The following CLSTN2 variants were observed in gnomAD, a reference collection of about 807,000 sequenced individuals.
CLSTN2 encodes calsyntenin-2.
In CLSTN2, 48 loss-of-function variants were observed where a neutral mutation model predicts 101.2. The observed-to-expected ratio is 0.47, with a 90% CI of 0.38 to 0.60. The LOEUF (loss-of-function observed/expected upper bound fraction) is 0.60, where lower values mean the gene tolerates loss of function less well. Ranked by LOEUF, CLSTN2 falls within the 20% of genes least tolerant of loss-of-function variation. The pLI, the probability that CLSTN2 is intolerant of heterozygous loss-of-function variation, is 0.00. For synonymous variants in CLSTN2, 481 were observed against 463.6 expected, an observed-to-expected ratio of 1.04 and a Z score of -0.48; for missense variants, 1,160 against 1,238.2, an observed-to-expected ratio of 0.94 and a Z score of 0.95.
chr3:140,542,383 G>A (rs1935499130), intron 9 of CLSTN2, among the ~76,000 whole-genome samples: 1 of 151,546 alleles, frequency 6.6e-6, no homozygotes, highest in Non-Finnish European at 1.5e-5. Context: ...CTAGCATCAG[G>A]AATCCAAAAT....
Position 140,259,653 on chromosome 3 carries a change from T to C in CLSTN2, c.232+83580T>C, listed in dbSNP as rs12636274. Among the ~76,000 whole-genome samples, 297 of 152,254 alleles carry C rather than the reference T, an allele frequency of 2.0e-3. No individual in the cohort carries two copies. In the East Asian group the frequency reaches 0.021, roughly 11 times the overall value. ...CCCTCCCACCTTTTCAAACCCCATC[T>C]ACCCGACAGGCAACTAATGATCTGA... On this transcript the variant is annotated intron_variant, in intron 2 of 16. Coordinates refer to ENST00000458420, the MANE Select transcript of CLSTN2 (RefSeq NM_022131.3).
At chr3:140,227,965 G>A (rs1011238962) in intron 2 of CLSTN2, among the ~76,000 whole-genome samples, 18 of 152,204 alleles carry the variant, frequency 1.2e-4, no homozygotes, top group African/African-American at 4.3e-4. Flanking sequence ...CCTCCAGGCT[G>A]GTGATGGGAG....
chr3:140,094,846 T>A (rs2008841664), intron 1 of CLSTN2, among the ~76,000 whole-genome samples: 1 of 152,188 alleles, frequency 6.6e-6, no homozygotes, highest in African/African-American at 2.4e-5. Flanking sequence ...TGTCTTCTGC[T>A]TTGTCAGAGG....
intron 2 of CLSTN2, among the ~76,000 whole-genome samples, chr3:140,358,876 G>A (rs902428993): frequency 2.0e-5 from 3 of 152,024 alleles, no homozygotes; most frequent in African/African-American, 7.3e-5. Flanking sequence ...TCAGGGAATG[G>A]CAGGAATTCC....
chr3:140,220,782 T>G (rs1456121224), intron 2 of CLSTN2, among the ~76,000 whole-genome samples: 8 of 152,198 alleles, frequency 5.3e-5, no homozygotes, highest in Admixed American at 5.2e-4. Flanking sequence ...TTGTGCTGAT[T>G]TGTGATGGGG....
At chr3:140,188,168 T>C (rs1374385079) in intron 2 of CLSTN2, among the ~76,000 whole-genome samples, 1 of 152,200 alleles carries the variant, frequency 6.6e-6, no homozygotes, top group African/African-American at 2.4e-5. Context: ...GAATGAATGA[T>C]AGATTGTTAC....
At chr3:140,124,901 G>A (rs1264757923) in intron 1 of CLSTN2, among the ~76,000 whole-genome samples, 1 of 152,166 alleles carries the variant, frequency 6.6e-6, no homozygotes, top group East Asian at 1.9e-4. Context: ...GTGAGTCCAG[G>A]GAAGGGGGAG....
At chr3:140,072,684 T>C (rs375352389) in intron 1 of CLSTN2, among the ~76,000 whole-genome samples, 1 of 152,236 alleles carries the variant, frequency 6.6e-6, no homozygotes, top group Non-Finnish European at 1.5e-5. Flanking sequence ...CCATGATTAA[T>C]CAAAATCTCC....
intron 2 of CLSTN2, among the ~76,000 whole-genome samples, chr3:140,176,439 A>G (rs1489639795): frequency 6.6e-6 from 1 of 152,168 alleles, no homozygotes; most frequent in Non-Finnish European, 1.5e-5. Flanking sequence ...TGTAATTGAT[A>G]AGTGGAGACT....
intron 5 of CLSTN2, among the ~76,000 whole-genome samples, chr3:140,437,054 T>G (rs1446350100): frequency 6.7e-6 from 1 of 149,766 alleles, no homozygotes; most frequent in Non-Finnish European, 1.5e-5. Context: ...GGTTTGGTTT[T>G]TTTTTTTTTT....
chr3:140,165,785 C>T (rs946756215), intron 1 of CLSTN2, among the ~76,000 whole-genome samples: 1 of 152,150 alleles, frequency 6.6e-6, no homozygotes, highest in Non-Finnish European at 1.5e-5. Context: ...AATAAAAATA[C>T]TTTTCAAAAT....
intron 1 of CLSTN2, among the ~76,000 whole-genome samples, chr3:140,073,277 G>A (rs377675377): frequency 4.5e-4 from 68 of 152,228 alleles, no homozygotes; most frequent in African/African-American, 1.5e-3. Flanking sequence ...GGAGAGAGGG[G>A]GATTATCCCA....
chr3:140,535,791 T>C (rs1935347864), intron 9 of CLSTN2, among the ~76,000 whole-genome samples: 1 of 152,216 alleles, frequency 6.6e-6, no homozygotes, highest in South Asian at 2.1e-4. Flanking sequence ...AGTTGCTCAA[T>C]TGAATATGCC....
chr3:140,514,909 CTCTCTT>C (rs1257546031), intron 8 of CLSTN2, among the ~76,000 whole-genome samples: 25 of 152,086 alleles, frequency 1.6e-4, no homozygotes, highest in Admixed American at 4.6e-4. Context: ...AGGGAGGACT[CTCTCTT>C]TCTCTATCTT....
chr3:140,145,787 G>A (rs955617792), intron 1 of CLSTN2, among the ~76,000 whole-genome samples: 1 of 152,204 alleles, frequency 6.6e-6, no homozygotes, highest in Non-Finnish European at 1.5e-5. Flanking sequence ...AAGCACAGGA[G>A]GGTTTCTTGG....
chr3:140,136,642 A>C (rs2009620821), intron 1 of CLSTN2, among the ~76,000 whole-genome samples: 1 of 152,178 alleles, frequency 6.6e-6, no homozygotes, highest in Non-Finnish European at 1.5e-5. Flanking sequence ...CATCCATGTG[A>C]CTTCAGAAGA....
intron 5 of CLSTN2, 38 bp downstream of exon 5, chr3:140,421,312 G>T: frequency 6.2e-7 from 1 of 1,611,752 alleles, no homozygotes; most frequent in Non-Finnish European, 8.5e-7. Flanking sequence ...AAGGCAGCAT[G>T]GTCTGATGTA....
At chr3:140,468,602 C>A (rs189039568) in intron 8 of CLSTN2, among the ~76,000 whole-genome samples, 1 of 152,326 alleles carries the variant, frequency 6.6e-6, no homozygotes, top group East Asian at 1.9e-4. Context: ...AAATTATTCT[C>A]GTCTCTGCTA....
intron 1 of CLSTN2, among the ~76,000 whole-genome samples, chr3:140,103,814 A>G (rs1351540853): frequency 1.3e-5 from 2 of 152,208 alleles, no homozygotes; most frequent in Non-Finnish European, 2.9e-5. Context: ...TGGGCTCTCA[A>G]AGAGTTTATG....
Sources: allele counts gnomAD v4.1 joint callset (sites outside exome capture counted in the v4.1 genomes callset), GRCh38; gene constraint gnomAD v4.1.1; transcripts MANE v1.5; gene names NCBI Gene and HGNC (gene_info 2026-07-23, HGNC 2026-07-21).